Variants in FBXO34 observed in about 807,000 individuals in gnomAD.
FBXO34 encodes F-box protein 34, also known as F-box only protein 34.
Under a neutral mutation model 24.5 loss-of-function variants are expected in FBXO34, and 12 were observed. The observed-to-expected ratio is 0.49, with a 90% CI of 0.31 to 0.79. FBXO34 has a LOEUF of 0.79. Ranked by LOEUF, FBXO34 falls within the 30% of genes least tolerant of loss-of-function variation. The pLI is 0.04. For synonymous variants in FBXO34, 320 were observed against 311.9 expected, an observed-to-expected ratio of 1.03 and a Z score of -0.27; for missense variants, 823 against 857.7, an observed-to-expected ratio of 0.96 and a Z score of 0.51.
At chr14:55,290,832 T>C (rs766272536) in intron 1 of FBXO34, among the ~76,000 whole-genome samples, 1 of 152,218 alleles carries the variant, frequency 6.6e-6, no homozygotes, top group Non-Finnish European at 1.5e-5. Flanking sequence ...TATTTTTATT[T>C]ATTTATTTTG....
At chr14:55,416,103 A>G in the FBXO34 span, among the ~76,000 whole-genome samples, 1 of 152,196 alleles carries the variant, frequency 6.6e-6, no homozygotes, top group Non-Finnish European at 1.5e-5. Context: ...AATGGGGGGA[A>G]TGGTTTAATG....
chr14:55,296,555 C>T (rs553572105), intron 1 of FBXO34, among the ~76,000 whole-genome samples: 6 of 151,748 alleles, frequency 4.0e-5, no homozygotes, highest in South Asian at 2.1e-4. Flanking sequence ...CCACCACACC[C>T]GGCTAATTTT....
At chr14:55,319,716 G>A (rs1167179162) in intron 1 of FBXO34, among the ~76,000 whole-genome samples, 8 of 151,956 alleles carry the variant, frequency 5.3e-5, no homozygotes, top group Non-Finnish European at 1.2e-4. Flanking sequence ...TGGCTCTGTC[G>A]CCAGGCTGGA....
chr14:55,376,287 G>C, the FBXO34 span, among the ~76,000 whole-genome samples: 1 of 152,206 alleles, frequency 6.6e-6, no homozygotes, highest in East Asian at 1.9e-4. Context: ...ATAAATATTA[G>C]CTCTTATTAG....
chr14:55,349,732 G>C (rs1053441691), intron 1 of FBXO34, among the ~76,000 whole-genome samples: 1 of 150,906 alleles, frequency 6.6e-6, no homozygotes, highest in Non-Finnish European at 1.5e-5. Flanking sequence ...TCAGCCTCTC[G>C]AGTAGCTGGG....
At chr14:55,403,030 G>A in the FBXO34 span, among the ~76,000 whole-genome samples, 4 of 136,318 alleles carry the variant, frequency 2.9e-5, no homozygotes, top group Non-Finnish European at 6.2e-5. Context: ...TCAGGTAGGA[G>A]GATCATTTGA....
At chr14:55,422,180 A>G in the FBXO34 span, among the ~76,000 whole-genome samples, 29 of 152,220 alleles carry the variant, frequency 1.9e-4, no homozygotes, top group Non-Finnish European at 2.1e-4. Context: ...GAAGATATGT[A>G]GCGTTAAGTT....
downstream of FBXO34, chr14:55,369,492 A>AAAAC: frequency 1.0e-6 from 1 of 975,544 alleles, no homozygotes; most frequent in Non-Finnish European, 1.4e-6. Flanking sequence ...TTAAAAAGAC[A>AAAAC]AAACAAAACA....
chr14:55,440,444 C>G, the FBXO34 span: 1 of 1,613,016 alleles, frequency 6.2e-7, no homozygotes, highest in Non-Finnish European at 8.5e-7. Context: ...TCTCCTCCTG[C>G]TCCATGGACC....
chr14:55,367,800 A>T (rs529553307), exon 3 of FBXO34: 1 of 152,174 alleles, frequency 6.6e-6, no homozygotes, highest in African/African-American at 2.4e-5. Context: ...TTTCATGGAA[A>T]ATTCATAGAG....
intron 1 of FBXO34, among the ~76,000 whole-genome samples, chr14:55,285,056 A>G (rs2139659713): frequency 6.7e-6 from 1 of 150,122 alleles, no homozygotes; most frequent in Admixed American, 6.7e-5. Context: ...AAAAACTGCA[A>G]AGATCAGTTG....
chr14:55,393,232 A>C, the FBXO34 span, among the ~76,000 whole-genome samples: 1 of 151,902 alleles, frequency 6.6e-6, no homozygotes. Flanking sequence ...AAACACAAAA[A>C]AACTTAGCCG....
the FBXO34 span, among the ~76,000 whole-genome samples, chr14:55,380,286 T>G: frequency 6.6e-6 from 1 of 151,580 alleles, no homozygotes; most frequent in African/African-American, 2.4e-5. Flanking sequence ...ATCAAAGAAT[T>G]CAACGGCTGC....
At chr14:55,278,102 G>A (rs1213718525) in intron 1 of FBXO34, among the ~76,000 whole-genome samples, 1 of 152,070 alleles carries the variant, frequency 6.6e-6, no homozygotes, top group African/African-American at 2.4e-5. Flanking sequence ...GGGTAGGACT[G>A]TTGTTTCTGT....
chr14:55,376,702 C>A, the FBXO34 span, among the ~76,000 whole-genome samples: 1 of 152,088 alleles, frequency 6.6e-6, no homozygotes, highest in African/African-American at 2.4e-5. Context: ...ATGGATGATG[C>A]GGAAGGGAAA....
At chr14:55,433,307 CTCTTTT>C in the FBXO34 span, among the ~76,000 whole-genome samples, 3 of 103,872 alleles carry the variant, frequency 2.9e-5, no homozygotes, top group African/African-American at 8.2e-5. Flanking sequence ...TTTTAGATTT[CTCTTTT>C]TTTTTTTTTT....
the FBXO34 span, among the ~76,000 whole-genome samples, chr14:55,392,392 T>C: frequency 6.6e-6 from 1 of 152,102 alleles, no homozygotes; most frequent in Admixed American, 6.5e-5. Context: ...CTCACACCTG[T>C]AATCCTAGAC....
chr14:55,335,585 A>T, intron 1 of FBXO34, among the ~76,000 whole-genome samples: 1 of 152,202 alleles, frequency 6.6e-6, no homozygotes, highest in Middle Eastern at 3.2e-3. Flanking sequence ...AACTCATTTG[A>T]CTATTTGACT....
At chr14:55,280,902 G>A (rs989815854) in intron 1 of FBXO34, among the ~76,000 whole-genome samples, 1 of 152,010 alleles carries the variant, frequency 6.6e-6, no homozygotes, top group Non-Finnish European at 1.5e-5. Flanking sequence ...TGGATACTGA[G>A]GGATGACTAT....
Sources: allele counts gnomAD v4.1 joint callset (sites outside exome capture counted in the v4.1 genomes callset), GRCh38; gene constraint gnomAD v4.1.1; transcripts MANE v1.5; gene names NCBI Gene and HGNC (gene_info 2026-07-23, HGNC 2026-07-21).